Variants in ASH1L observed in about 807,000 individuals in gnomAD.
ASH1L encodes the protein ASH1 like histone lysine methyltransferase.
A neutral mutation model predicts 269.0 loss-of-function variants in ASH1L; 23 were observed. The ratio of observed to expected loss-of-function variants is 0.09; its 90% CI spans 0.06 to 0.12. ASH1L has a LOEUF of 0.12. Among genes scored for constraint, ASH1L ranks in the 10% least tolerant of loss-of-function variants. ASH1L has a pLI of 1.00. For synonymous variants in ASH1L, 1,187 were observed against 1,253.5 expected (o/e 0.95, Z 1.12); for missense variants, 2,912 against 3,567.8 (o/e 0.82, Z 4.68).
chr1:155,454,527 G>A (rs555259012), intron 4 of ASH1L, among the ~76,000 whole-genome samples: 4 of 152,204 alleles, frequency 2.6e-5, no homozygotes, highest in East Asian at 3.9e-4. Context: ...CAGCACTTTC[G>A]GAGGCCGAGG....
In ASH1L at chr1:155,500,636, T is replaced by C. The variant is rs180944751; in HGVS notation, c.421-18187A>G. Among the ~76,000 whole-genome samples the C allele has an allele frequency of 4.6e-4, 70 of 152,158 alleles. No homozygotes were observed. In the South Asian group the frequency reaches 0.013, roughly 29 times the overall value. ...CAAGTAAGATGACAGAATGTGCCTATCTTCTCCTATTAACAAGTCCCAAAT... is the reference window on the plus strand; with the variant it reads ...CAAGTAAGATGACAGAATGTGCCTACCTTCTCCTATTAACAAGTCCCAAAT... On this transcript the variant is annotated intron_variant, in intron 2 of 27. Coordinates refer to ENST00000392403, the MANE Select transcript of ASH1L (RefSeq NM_018489.3).
At chr1:155,519,719 C>T (rs985808243) in intron 2 of ASH1L, among the ~76,000 whole-genome samples, 3 of 151,962 alleles carry the variant, frequency 2.0e-5, no homozygotes, top group African/African-American at 4.8e-5. Context: ...AGTGCAGTGG[C>T]GCAACCTGAG....
intron 2 of ASH1L, among the ~76,000 whole-genome samples, chr1:155,485,959 A>G (rs1331255718): frequency 6.6e-6 from 1 of 151,982 alleles, no homozygotes; most frequent in Non-Finnish European, 1.5e-5. Context: ...GTCTATTGAA[A>G]AAAAAAAAAA....
chr1:155,339,877 T>C (rs753925049), intron 25 of ASH1L, among the ~76,000 whole-genome samples: 8 of 152,204 alleles, frequency 5.3e-5, no homozygotes, highest in Admixed American at 2.0e-4. Context: ...GGTATTACAT[T>C]GCAGTATGTT....
chr1:155,434,350 T>C, intron 5 of ASH1L: 1 of 1,528,232 alleles, frequency 6.5e-7, no homozygotes, highest in Admixed American at 2.0e-5. Flanking sequence ...CTTTTGGAAT[T>C]AAGTTCTTCA....
chr1:155,422,946 CCTTT>C (rs1365062898), intron 5 of ASH1L, among the ~76,000 whole-genome samples: 229 of 145,640 alleles, frequency 1.6e-3, no homozygotes, highest in African/African-American at 5.1e-3. Context: ...ATTGAGCTGG[CCTTT>C]CTTTTTTTTT....
chr1:155,343,307 C>A lies in ASH1L; in HGVS notation c.8293+7G>T. 1 of 1,609,816 alleles carries A rather than the reference C, an allele frequency of 6.2e-7. No homozygotes were observed. Among genetic ancestry groups the A allele is most frequent in the Non-Finnish European group, 8.5e-7 (1 of 1,177,594 alleles). On this transcript the variant is annotated splice_region_variant and intron_variant, in intron 24 of 27. Coordinates refer to ENST00000392403, the MANE Select transcript of ASH1L (RefSeq NM_018489.3). The surrounding 1 kb of genome is among the most constrained non-coding windows in gnomAD (Gnocchi z 6.1). Reference sequence around the variant, plus strand: ...AGGTCATTTTTTAACTAGCCCAGATCACTTACCTTTACAATACGTATAAAG... The same window carrying A: ...AGGTCATTTTTTAACTAGCCCAGATAACTTACCTTTACAATACGTATAAAG...
intron 2 of ASH1L, among the ~76,000 whole-genome samples, chr1:155,507,357 C>T (rs888881574): frequency 1.3e-5 from 2 of 151,192 alleles, no homozygotes; most frequent in African/African-American, 4.9e-5. Flanking sequence ...ATTAAGATGG[C>T]ATAGAATTTT....
chr1:155,414,313 A>ATT (rs554381708), intron 6 of ASH1L, among the ~76,000 whole-genome samples: 9 of 151,608 alleles, frequency 5.9e-5, no homozygotes, highest in African/African-American at 2.2e-4. Context: ...CATTAAAAAA[A>ATT]TTTCTTTTTT....
chr1:155,466,687 T>C lies in ASH1L; in HGVS notation c.4985-6789A>G, dbSNP rs371404691. ...TTTGGGTATCCATCACCTTGCGTAG[T>C]TATGATTTCTGTGTCAGGAACATTT... On this transcript the variant is annotated intron_variant, in intron 3 of 27. Transcript: ENST00000392403. 4.5e-4 allele frequency among the ~76,000 whole-genome samples: 68 copies of C among 152,350 alleles called. 1 individual carries two copies. The South Asian group carries it at 9.5e-3, about 21-fold the overall frequency.
At chr1:155,540,205 AG>A (rs2148887250) in intron 1 of ASH1L, among the ~76,000 whole-genome samples, 1 of 152,334 alleles carries the variant, frequency 6.6e-6, no homozygotes, top group Non-Finnish European at 1.5e-5. Flanking sequence ...TTGGTGGTTA[AG>A]AATATAGTCT....
At chr1:155,355,083 T>A (rs1430963794) in intron 15 of ASH1L, among the ~76,000 whole-genome samples, 1 of 152,096 alleles carries the variant, frequency 6.6e-6, no homozygotes, top group Admixed American at 6.6e-5. Flanking sequence ...TGAGTCGACG[T>A]CTCCCTCTGT....
At chr1:155,555,757 ATAAG>A (rs1671543847) in intron 1 of ASH1L, among the ~76,000 whole-genome samples, 1 of 152,174 alleles carries the variant, frequency 6.6e-6, no homozygotes, top group African/African-American at 2.4e-5. Flanking sequence ...TTCCCTACTG[ATAAG>A]TAATATGGAT....
At chr1:155,555,851 TAATTCCTCACTTAACAGTGAA>T (rs1422415170) in intron 1 of ASH1L, among the ~76,000 whole-genome samples, 1 of 152,088 alleles carries the variant, frequency 6.6e-6, no homozygotes, top group Non-Finnish European at 1.5e-5. Flanking sequence ...TATGAAGGAG[TAATTCCTCACTTAACAGTGAA>T]AAGAATTTTT....
intron 16 of ASH1L, among the ~76,000 whole-genome samples, chr1:155,353,498 G>A (rs1654102435): frequency 1.3e-5 from 2 of 151,998 alleles, no homozygotes; most frequent in African/African-American, 4.8e-5. Flanking sequence ...AGGGGAAGAA[G>A]GAAAGGATTA....
intron 13 of ASH1L, among the ~76,000 whole-genome samples, chr1:155,358,399 T>A (rs990579730): frequency 1.3e-5 from 2 of 151,804 alleles, no homozygotes; most frequent in South Asian, 2.1e-4. Context: ...AAAAAAATTT[T>A]AAAAAGGCCA....
chr1:155,465,828 T>A (rs1664645105), intron 3 of ASH1L, among the ~76,000 whole-genome samples: 1 of 152,194 alleles, frequency 6.6e-6, no homozygotes, highest in Admixed American at 6.5e-5. Flanking sequence ...GGTCAAGATT[T>A]TTTTTGTTCC....
At chr1:155,365,272 C>A (rs1195921529) in intron 12 of ASH1L, among the ~76,000 whole-genome samples, 1 of 151,938 alleles carries the variant, frequency 6.6e-6, no homozygotes, top group Non-Finnish European at 1.5e-5. Flanking sequence ...GTGGCACAAT[C>A]TCAGCTCACT....
At chr1:155,376,570 T>G (rs1656462647) in intron 10 of ASH1L, among the ~76,000 whole-genome samples, 1 of 152,108 alleles carries the variant, frequency 6.6e-6, no homozygotes, top group South Asian at 2.1e-4. Flanking sequence ...TCCCAGCTAC[T>G]CGGGAGGCTG....
Sources: allele counts gnomAD v4.1 joint callset (sites outside exome capture counted in the v4.1 genomes callset), GRCh38; gene constraint gnomAD v4.1.1; non-coding constraint Gnocchi (gnomAD v3.1); transcripts MANE v1.5; gene names NCBI Gene and HGNC (gene_info 2026-07-23, HGNC 2026-07-21).